Variants in DNAH6 observed in about 807,000 individuals in gnomAD.
DNAH6 encodes the protein axonemal beta dynein heavy chain 6.
In DNAH6, 340 loss-of-function variants were observed where a neutral mutation model predicts 491.4. The ratio of observed to expected loss-of-function variants is 0.69; its 90% CI spans 0.63 to 0.76. DNAH6 has a LOEUF of 0.76. Among genes scored for constraint, DNAH6 ranks in the 30% least tolerant of loss-of-function variants. DNAH6 has a pLI of 0.00. For synonymous variants in DNAH6, 1,603 were observed against 1,686.1 expected, an observed-to-expected ratio of 0.95 and a Z score of 1.21; for missense variants, 4,443 against 4,972.2, an observed-to-expected ratio of 0.89 and a Z score of 3.20.
In DNAH6 at chr2:84,653,599, A is replaced by G; in HGVS notation, c.5359A>G (p.Lys1787Glu). 1 of 1,551,392 alleles carries G rather than the reference A, an allele frequency of 6.4e-7. No homozygotes were observed. Among genetic ancestry groups the G allele is most frequent in the African/African-American group, 1.4e-5 (1 of 73,140 alleles). Residue 1787 changes from lysine to glutamate, a missense_variant, in exon 34 of 77, where the codon AAA (lysine) becomes GAA (glutamate). Transcript: ENST00000389394. ...GIENSFYQAV[K>E]TYVLNPKSIT... ...AGAAAATTCCTTTTACCAAGCAGTT[A>G]AAACATATGTTCTCAACCCTAAATC...
rs1371149022 is a variant in DNAH6 at position 84,708,540 on chromosome 2, GGAAGGAA to G, written c.9049-801_9049-795del. On this transcript the variant is annotated intron_variant, in intron 54 of 76. Coordinates refer to ENST00000389394, the MANE Select transcript of DNAH6 (RefSeq NM_001370.2). ...AAGAAAGAGAAAGAAAAAGAAAGAA[GGAAGGAA>G]GGAGGAAGGAAGGAAAGAAAGAGGG... is the stretch of plus-strand genomic sequence containing the variant. Among the ~76,000 whole-genome samples the G allele has an allele frequency of 6.2e-5, 9 of 144,326 alleles. 1 individual carries two copies. The highest frequency in any genetic ancestry group is 5.0e-4 in the Admixed American group (7 of 13,908). The allele number at this position is 144,326 out of a possible 152,430, so 94.7% of individuals were successfully genotyped here. A position where few individuals can be genotyped will look rare whatever the true frequency, so the allele number is the denominator to read the frequency against.
At chr2:84,680,683 G>A (rs1409094522) in intron 41 of DNAH6, among the ~76,000 whole-genome samples, 3 of 152,070 alleles carry the variant, frequency 2.0e-5, no homozygotes, top group East Asian at 1.9e-4. Flanking sequence ...GACCAGCAGG[G>A]AGACCAGAAT....
At chr2:84,463,382 C>T in the DNAH6 span, among the ~76,000 whole-genome samples, 2 of 152,056 alleles carry the variant, frequency 1.3e-5, no homozygotes, top group Non-Finnish European at 2.9e-5. Context: ...TTGGATGGAA[C>T]CTTTAGTTGT....
chr2:84,762,674 T>C (rs1161495078), intron 63 of DNAH6, 81 bp from the exon 64 acceptor site: 1 of 992,294 alleles, frequency 1.0e-6, no homozygotes, highest in Middle Eastern at 2.6e-4. Context: ...CACCAACCTC[T>C]GAGGAGCTGA....
intron 56 of DNAH6, among the ~76,000 whole-genome samples, 163 bp downstream of exon 56, chr2:84,710,575 G>A (rs1453652641): frequency 3.3e-5 from 5 of 152,098 alleles, no homozygotes; most frequent in Admixed American, 2.0e-4. Context: ...TTATCACATT[G>A]CAAGAGGGGT....
At chr2:84,726,884 C>A (rs1698690832) in intron 60 of DNAH6, among the ~76,000 whole-genome samples, 1 of 152,090 alleles carries the variant, frequency 6.6e-6, no homozygotes, top group African/African-American at 2.4e-5. Flanking sequence ...TCAATGCCAC[C>A]ATCTCTACTG....
chr2:84,711,234 G>A (rs1193149815), intron 56 of DNAH6, among the ~76,000 whole-genome samples: 1 of 152,210 alleles, frequency 6.6e-6, no homozygotes, highest in Non-Finnish European at 1.5e-5. Flanking sequence ...TATGTGATGA[G>A]CTCAGCCATA....
intron 61 of DNAH6, among the ~76,000 whole-genome samples, chr2:84,729,387 C>G: frequency 6.6e-6 from 1 of 152,210 alleles, no homozygotes; most frequent in Admixed American, 6.5e-5. Context: ...AACCAGTTCA[C>G]TCTGCTGCTG....
At chr2:84,798,905 G>T (rs887899156) in intron 70 of DNAH6, among the ~76,000 whole-genome samples, 4 of 152,076 alleles carry the variant, frequency 2.6e-5, no homozygotes, top group Non-Finnish European at 4.4e-5. Flanking sequence ...TGTGGCCTGA[G>T]CTCGAGTAGG....
At chr2:84,584,402 C>A in intron 15 of DNAH6, 152 bp downstream of exon 15, 1 of 813,404 alleles carries the variant, frequency 1.2e-6, no homozygotes, top group Non-Finnish European at 1.9e-6. Context: ...AATTGTTAAT[C>A]AAGCTAATTA....
At position 84,661,197 on chromosome 2, in the gene DNAH6, T is replaced by C. The variant is rs191514726; in HGVS notation, c.6084+2028T>C. On this transcript the variant is annotated intron_variant, in intron 37 of 76. Coordinates refer to ENST00000389394, the MANE Select transcript of DNAH6 (RefSeq NM_001370.2). ...AGAGTCATATCTAATTCACCCTCTC[T>C]ACTAGTAATCTTAAAATTAAAGGTC... Among the ~76,000 whole-genome samples, 102 of 152,266 alleles carry C rather than the reference T, an allele frequency of 6.7e-4. 1 individual carries two copies. The highest frequency in any genetic ancestry group is 2.3e-3 in the African/African-American group (96 of 41,566).
At position 84,544,217 on chromosome 2, in the gene DNAH6, T is replaced by A; in HGVS notation, c.663-16T>A. On this transcript the variant is annotated splice_polypyrimidine_tract_variant and intron_variant, in intron 4 of 76. Coordinates refer to ENST00000389394, the MANE Select transcript of DNAH6 (RefSeq NM_001370.2). ...GAATACTTTATTTATTAGTCCCAAT[T>A]TTTATTTGTTTATAGAGTTGTAAGT... The A allele has an allele frequency of 7.6e-7, 1 of 1,315,304 alleles. No homozygotes were observed. Among genetic ancestry groups the A allele is most frequent in the Non-Finnish European group, 1.0e-6 (1 of 972,670 alleles). The allele number at this position is 1,315,304 out of a possible 1,614,324, so 81.5% of individuals were successfully genotyped here.
intron 33 of DNAH6, among the ~76,000 whole-genome samples, chr2:84,642,337 C>CA (rs1463643915): frequency 6.6e-6 from 1 of 151,972 alleles, no homozygotes; most frequent in Non-Finnish European, 1.5e-5. Flanking sequence ...GTTTCTGACT[C>CA]AAAAAAAGTC....
At chr2:84,614,691 C>G (rs975747802) in intron 22 of DNAH6, among the ~76,000 whole-genome samples, 12 of 149,976 alleles carry the variant, frequency 8.0e-5, no homozygotes, top group African/African-American at 2.4e-4. Context: ...TCCACACCAA[C>G]ATCTATTATT....
At chr2:84,562,262 AGAAGCACAC>A (rs1384191448) in intron 11 of DNAH6, among the ~76,000 whole-genome samples, 1 of 152,188 alleles carries the variant, frequency 6.6e-6, no homozygotes, top group Non-Finnish European at 1.5e-5. Flanking sequence ...AAAGAAAGAA[AGAAGCACAC>A]ATATAACCAT....
At chr2:84,486,949 C>G in the DNAH6 span, among the ~76,000 whole-genome samples, 1 of 152,036 alleles carries the variant, frequency 6.6e-6, no homozygotes, top group African/African-American at 2.4e-5. Flanking sequence ...TGCTCAGTGG[C>G]GGGTTACAAG....
chr2:84,773,273 T>C (rs868464705), intron 64 of DNAH6, among the ~76,000 whole-genome samples: 1 of 152,058 alleles, frequency 6.6e-6, no homozygotes, highest in South Asian at 2.1e-4. Flanking sequence ...TGTCCATGTG[T>C]ACCCATTGTT....
rs1235553745 is a variant in DNAH6 at position 84,694,602 on chromosome 2, C to T, written c.7524+122C>T. The T allele has an allele frequency of 4.5e-6, 3 of 659,858 alleles. No homozygotes were observed. The East Asian group carries it at 8.4e-5, about 18-fold the overall frequency. The allele number at this position is 659,858 out of a possible 1,614,324, so 40.9% of individuals were successfully genotyped here. ...GATTGTTCCCTTTGATAACAGATTT[C>T]CTGCAGCTTGTAAAAGACTTTTATA... is the stretch of plus-strand genomic sequence containing the variant. On this transcript the variant is annotated intron_variant, in intron 46 of 76. Transcript: ENST00000389394.
At chr2:84,611,047 G>T (rs758738247) in intron 21 of DNAH6, among the ~76,000 whole-genome samples, 1 of 152,106 alleles carries the variant, frequency 6.6e-6, no homozygotes, top group Non-Finnish European at 1.5e-5. Flanking sequence ...TGGATTTTGG[G>T]CACACACATG....
Sources: allele counts gnomAD v4.1 joint callset (sites outside exome capture counted in the v4.1 genomes callset), GRCh38; gene constraint gnomAD v4.1.1; transcripts MANE v1.5; gene names NCBI Gene and HGNC (gene_info 2026-07-23, HGNC 2026-07-21).